Variants in TMEM63C observed in about 807,000 individuals in gnomAD.
TMEM63C encodes transmembrane protein 63C.
TMEM63C carries 32 observed loss-of-function variants against 99.2 expected under a neutral mutation model. The ratio of observed to expected loss-of-function variants is 0.32; its 90% confidence interval spans 0.24 to 0.43. The LOEUF is 0.43. TMEM63C is among the 20% of genes least tolerant of loss of function. The pLI, the probability that TMEM63C is intolerant of heterozygous loss-of-function variation, is 1.00. For synonymous variants in TMEM63C, 376 were observed against 397.9 expected, an observed-to-expected ratio of 0.94 and a Z score of 0.66; for missense variants, 826 against 1,053.0, an observed-to-expected ratio of 0.78 and a Z score of 2.98.
In TMEM63C at chr14:77,242,990, C is replaced by T. The variant is rs374229850; in HGVS notation, c.1275C>T (p.Thr425=). ...TFLFFLFFFL[T]TPAIIMNTID... ...TCTTCTTCCTCTTCTTCTTTCTCAC[C>T]ACGCCTGCCATCATCATGAACACTA... The change falls in exon 15 of 24, where the codon ACC becomes ACT. Residue 425 remains threonine, a synonymous_variant. Coordinates refer to ENST00000298351, the MANE Select transcript of TMEM63C (RefSeq NM_020431.4). The T allele has an allele frequency of 1.4e-5, 22 of 1,613,992 alleles. No homozygotes were observed. The African/African-American group carries it at 2.7e-4, about 20-fold the overall frequency.
At chr14:77,237,527 G>T (rs1181709464) in intron 9 of TMEM63C, among the ~76,000 whole-genome samples, 1 of 152,196 alleles carries the variant, frequency 6.6e-6, no homozygotes, top group African/African-American at 2.4e-5. Flanking sequence ...CATGACCAGG[G>T]AACTCTGGGA....
intron 1 of TMEM63C, among the ~76,000 whole-genome samples, chr14:77,197,467 T>A (rs2140094817): frequency 6.6e-6 from 1 of 152,364 alleles, no homozygotes; most frequent in East Asian, 1.9e-4. Context: ...CTCAACCACC[T>A]ACTGGCCTTG....
At chr14:77,206,430 G>A (rs1264724764) in intron 1 of TMEM63C, among the ~76,000 whole-genome samples, 2 of 152,260 alleles carry the variant, frequency 1.3e-5, no homozygotes, top group African/African-American at 4.8e-5. Context: ...CTGGCTTTCA[G>A]GCAGACGCCC....
intron 6 of TMEM63C, among the ~76,000 whole-genome samples, chr14:77,228,788 T>C (rs371931): frequency 0.17 from 25,261 of 152,030 alleles, 2,384 homozygotes; most frequent in Non-Finnish European, 0.21. Context: ...CTGCCCATCT[T>C]GGCCCCCCAA....
intron 1 of TMEM63C, among the ~76,000 whole-genome samples, chr14:77,202,307 C>CACACACACACACAA (rs1888312468): frequency 6.6e-6 from 1 of 152,100 alleles, no homozygotes; most frequent in Non-Finnish European, 1.5e-5. Flanking sequence ...CACACACACA[C>CACACACACACACAA]ACACAAACAC....
At chr14:77,247,545 G>C (rs1022676559) in intron 18 of TMEM63C, among the ~76,000 whole-genome samples, 3 of 152,078 alleles carry the variant, frequency 2.0e-5, no homozygotes, top group Admixed American at 6.5e-5. Flanking sequence ...ACATTTTACT[G>C]TCTTAAAAAC....
chr14:77,248,829 G>A lies in TMEM63C; in HGVS notation c.1827G>A (p.Val609=). Residue 609 remains valine (V), a synonymous_variant, in exon 20 of 24, where the codon GTG becomes GTA. Transcript: ENST00000298351. The part of the protein sequence containing the change: ...EYAWMMNVFS[V]VMAYSITCPI... The stretch of plus-strand genomic sequence containing the variant: ...CGTGGATGATGAACGTGTTCAGCGT[G>A]GTGATGGCGTACAGCATCACTTGCC... The A allele has an allele frequency of 6.2e-7, 1 of 1,614,058 alleles. No homozygotes were observed. The highest frequency in any genetic ancestry group is 8.5e-7 in the Non-Finnish European group (1 of 1,179,914).
chr14:77,244,268 G>A, intron 15 of TMEM63C, 81 bp from the exon 16 acceptor site: 1 of 1,087,900 alleles, frequency 9.2e-7, no homozygotes, highest in South Asian at 1.4e-5. Flanking sequence ...AGCCCTGGGA[G>A]TGAGTGGGAG....
Position 77,242,368 on chromosome 14 carries a change from T to C in TMEM63C, c.1086T>C (p.Tyr362=). 1 of 1,612,572 alleles carries C rather than the reference T, an allele frequency of 6.2e-7. No individual in the cohort carries two copies. Among genetic ancestry groups the C allele is most frequent in the Non-Finnish European group, 8.5e-7 (1 of 1,179,118 alleles). The part of the protein sequence containing the change: ...MAKRVRKDYK[Y]VQCGVQPQQS... ...GCAGTGTCCGTAAGGATTACAAGTA[T>C]GTCCAGTGTGGTGTGCAACCCCAGC... The change falls in exon 14 of 24, where the codon TAT becomes TAC. Residue 362 remains tyrosine, a synonymous_variant. Coordinates refer to ENST00000298351, the MANE Select transcript of TMEM63C (RefSeq NM_020431.4).
intron 18 of TMEM63C, among the ~76,000 whole-genome samples, chr14:77,247,269 C>T (rs1169991426): frequency 5.9e-5 from 9 of 152,056 alleles, no homozygotes; most frequent in Admixed American, 1.3e-4. Flanking sequence ...GGCGCAATCT[C>T]GGCTCACTAC....
chr14:77,219,096 T>A, intron 3 of TMEM63C, 133 bp downstream of exon 3: 1 of 1,118,424 alleles, frequency 8.9e-7, no homozygotes, highest in Non-Finnish European at 1.2e-6. Flanking sequence ...TGAATGTCAG[T>A]CCTGCCTAGG....
chr14:77,183,924 GA>G (rs990065040), intron 1 of TMEM63C, among the ~76,000 whole-genome samples: 18 of 152,160 alleles, frequency 1.2e-4, no homozygotes, highest in Non-Finnish European at 2.5e-4. Context: ...AGCTAGCAGA[GA>G]AAGGGTCAGG....
chr14:77,182,372 C>A (rs1566613127), intron 1 of TMEM63C, among the ~76,000 whole-genome samples: 5 of 152,178 alleles, frequency 3.3e-5, no homozygotes, highest in African/African-American at 4.8e-5. Context: ...TGCTGCCTGG[C>A]GGGCTGGGCT....
intron 19 of TMEM63C, 67 bp from the exon 20 acceptor site, chr14:77,248,700 G>A (rs1889307111): frequency 6.5e-7 from 1 of 1,539,480 alleles, no homozygotes; most frequent in Admixed American, 1.7e-5. Flanking sequence ...GGCTGATGAG[G>A]AGCCACAGAA....
chr14:77,203,249 G>T (rs1023332240), intron 1 of TMEM63C, among the ~76,000 whole-genome samples: 1 of 148,592 alleles, frequency 6.7e-6, no homozygotes, highest in African/African-American at 2.6e-5. Context: ...GGGCATGGTG[G>T]TGGGCGCCTG....
chr14:77,196,575 C>A (rs927797528), intron 1 of TMEM63C, among the ~76,000 whole-genome samples: 2 of 152,176 alleles, frequency 1.3e-5, no homozygotes, highest in Admixed American at 1.3e-4. Flanking sequence ...CTTTGCCCAG[C>A]TGACTCTGGT....
chr14:77,233,611 C>T, intron 8 of TMEM63C, 111 bp downstream of exon 8: 5 of 1,122,212 alleles, frequency 4.5e-6, no homozygotes, highest in South Asian at 1.3e-5. Flanking sequence ...TAAGAAAGGC[C>T]TGGTTTCCCT....
At chr14:77,204,010 G>A (rs1223533463) in intron 1 of TMEM63C, among the ~76,000 whole-genome samples, 3 of 152,262 alleles carry the variant, frequency 2.0e-5, no homozygotes, top group Admixed American at 6.5e-5. Flanking sequence ...AGCAGTCAGG[G>A]GAGAGGCTGG....
At chr14:77,193,162 A>G (rs1888138822) in intron 1 of TMEM63C, among the ~76,000 whole-genome samples, 1 of 152,266 alleles carries the variant, frequency 6.6e-6, no homozygotes. Context: ...GTCAATAAAC[A>G]TGAAAATACG....
Sources: gnomAD v4.1 joint callset for allele counts (sites outside exome capture counted in the v4.1 genomes callset) on GRCh38, gnomAD v4.1.1 for gene constraint, MANE v1.5 for transcripts, NCBI Gene and HGNC (gene_info 2026-07-23, HGNC 2026-07-21) for gene names.